Variants in PPFIA2 observed in about 807,000 individuals in gnomAD.
PPFIA2 encodes the protein liprin-alpha-2.
Under a neutral mutation model 175.5 loss-of-function variants are expected in PPFIA2, and 46 were observed. The observed-to-expected ratio is 0.26, with a 90% confidence interval of 0.21 to 0.34. The LOEUF (loss-of-function observed/expected upper bound fraction) is 0.34. Ranked by LOEUF, PPFIA2 falls within the 10% of genes least tolerant of loss-of-function variation. The pLI, the probability that PPFIA2 is intolerant of heterozygous loss-of-function variation, is 1.00. For synonymous variants in PPFIA2, 568 were observed against 511.4 expected (o/e 1.11, Z -1.49); for missense variants, 1,179 against 1,506.1 (o/e 0.78, Z 3.60).
intron 4 of PPFIA2, among the ~76,000 whole-genome samples, chr12:81,473,801 A>G (rs900955728): frequency 2.6e-5 from 4 of 152,236 alleles, no homozygotes; most frequent in African/African-American, 9.6e-5. Context: ...CTTATTATTT[A>G]CTTATATCAA....
chr12:81,438,478 A>C (rs926222537), intron 7 of PPFIA2, among the ~76,000 whole-genome samples: 10 of 152,296 alleles, frequency 6.6e-5, no homozygotes, highest in African/African-American at 2.4e-4. Flanking sequence ...TCTCAAAACA[A>C]AAAACAAAAC....
chr12:81,284,167 A>C, intron 25 of PPFIA2, 74 bp downstream of exon 25: 1 of 1,163,914 alleles, frequency 8.6e-7, no homozygotes, highest in East Asian at 2.5e-5. Flanking sequence ...GTCTATTGTA[A>C]ACAGATTAGT....
chr12:81,623,645 G>C (rs573732758), intron 4 of PPFIA2, among the ~76,000 whole-genome samples: 1 of 151,752 alleles, frequency 6.6e-6, no homozygotes, highest in African/African-American at 2.4e-5. Flanking sequence ...TAGTTGTGTG[G>C]GTAAAGTTCC....
chr12:81,342,080 A>G (rs1184811505), intron 19 of PPFIA2, among the ~76,000 whole-genome samples: 1 of 152,088 alleles, frequency 6.6e-6, no homozygotes, highest in Non-Finnish European at 1.5e-5. Context: ...TGGCAAAGAC[A>G]TACAGAAAAC....
chr12:81,729,179 A>C (rs957919620), intron 3 of PPFIA2, among the ~76,000 whole-genome samples: 2 of 151,534 alleles, frequency 1.3e-5, no homozygotes, highest in Non-Finnish European at 3.0e-5. Flanking sequence ...ATAGGGTCCA[A>C]ATAGTGTTAT....
At chr12:81,303,224 C>G (rs966897255) in intron 22 of PPFIA2, among the ~76,000 whole-genome samples, 6 of 152,104 alleles carry the variant, frequency 3.9e-5, no homozygotes. Flanking sequence ...ACAAATTTAA[C>G]TATGAAAATT....
At chr12:81,710,466 C>T (rs970399993) in intron 3 of PPFIA2, among the ~76,000 whole-genome samples, 1 of 151,962 alleles carries the variant, frequency 6.6e-6, no homozygotes, top group Admixed American at 6.6e-5. Context: ...GTTTAATCAA[C>T]ATGTAATAAT....
At chr12:81,593,814 T>C (rs192001143) in intron 4 of PPFIA2, among the ~76,000 whole-genome samples, 12 of 152,230 alleles carry the variant, frequency 7.9e-5, no homozygotes, top group Middle Eastern at 3.4e-3. Flanking sequence ...GTGTGTCCCA[T>C]ATCAGGAAGG....
chr12:81,725,366 AT>A (rs1424768538), intron 3 of PPFIA2, among the ~76,000 whole-genome samples: 6 of 150,988 alleles, frequency 4.0e-5, no homozygotes, highest in Non-Finnish European at 7.4e-5. Flanking sequence ...ATCACAGTGC[AT>A]TAAAGATAAC....
In PPFIA2 at chr12:81,724,809, T is replaced by G. The variant is rs535504230; in HGVS notation, c.249+29164A>C. 9.3e-5 allele frequency among the ~76,000 whole-genome samples: 14 copies of G among 151,164 alleles called. No individual in the cohort carries two copies. The South Asian group carries it at 2.5e-3, about 27-fold the overall frequency. ...TAAACATAAGGGGGAAGGTGTTTTT[T>G]GATATAATGATTTCTGTTCCTTTGG... is the stretch of plus-strand genomic sequence containing the variant. On this transcript the variant is annotated intron_variant, in intron 3 of 32. Coordinates refer to ENST00000549396, the MANE Select transcript of PPFIA2 (RefSeq NM_003625.5).
chr12:81,385,108 C>A (rs950915269), intron 8 of PPFIA2, among the ~76,000 whole-genome samples: 1 of 152,014 alleles, frequency 6.6e-6, no homozygotes, highest in Non-Finnish European at 1.5e-5. Flanking sequence ...TGAAAAAATG[C>A]TCAATACCAA....
At chr12:81,579,296 T>C (rs763572888) in intron 4 of PPFIA2, among the ~76,000 whole-genome samples, 4 of 151,798 alleles carry the variant, frequency 2.6e-5, no homozygotes, top group Non-Finnish European at 4.4e-5. Context: ...CCTCTAGTAA[T>C]GAACATTAAT....
At chr12:81,726,087 A>T (rs1234305373) in intron 3 of PPFIA2, among the ~76,000 whole-genome samples, 2 of 150,706 alleles carry the variant, frequency 1.3e-5, no homozygotes, top group Non-Finnish European at 3.0e-5. Context: ...ACTTCCACCA[A>T]CTCCCCAATC....
intron 4 of PPFIA2, among the ~76,000 whole-genome samples, chr12:81,458,292 T>G (rs1337652498): frequency 6.6e-6 from 1 of 152,048 alleles, no homozygotes; most frequent in Admixed American, 6.6e-5. Context: ...CATGCTATTT[T>G]GAAATTAACA....
intron 9 of PPFIA2, among the ~76,000 whole-genome samples, chr12:81,382,108 G>T (rs1028273837): frequency 1.3e-5 from 2 of 152,018 alleles, no homozygotes; most frequent in African/African-American, 4.8e-5. Flanking sequence ...AAAAGAAGAG[G>T]GAGAGTGTAT....
chr12:81,367,450 A>G (rs1364316168), intron 13 of PPFIA2, among the ~76,000 whole-genome samples: 1 of 151,702 alleles, frequency 6.6e-6, no homozygotes, highest in African/African-American at 2.4e-5. Context: ...GCCTTTTCTC[A>G]GACCACATTT....
chr12:81,432,569 G>A (rs559797045), intron 7 of PPFIA2, among the ~76,000 whole-genome samples: 40 of 150,488 alleles, frequency 2.7e-4, no homozygotes, highest in African/African-American at 9.3e-4. Flanking sequence ...GGGTTCAAGC[G>A]ATTCTCCTGC....
chr12:81,496,350 T>C lies in PPFIA2; in HGVS notation c.304-38484A>G, dbSNP rs940725881. Among the ~76,000 whole-genome samples, 25 of 152,160 alleles carry C rather than the reference T, an allele frequency of 1.6e-4. 1 individual carries two copies. Among genetic ancestry groups the C allele is most frequent in the Non-Finnish European group, 2.9e-5 (2 of 68,038 alleles). On this transcript the variant is annotated intron_variant, in intron 4 of 32. Transcript: ENST00000549396. ...AAAAACTATAAAGAAGAAGAATATT[T>C]TTGGAGACAATTGCAGAAAATTGCC...
chr12:81,339,520 C>T (rs989069846), intron 20 of PPFIA2, among the ~76,000 whole-genome samples, 186 bp from the exon 21 acceptor site: 5 of 151,834 alleles, frequency 3.3e-5, no homozygotes, highest in African/African-American at 4.8e-5. Context: ...CCTGAAACTC[C>T]AAATTTCCAT....
Sources: allele counts gnomAD v4.1 joint callset (sites outside exome capture counted in the v4.1 genomes callset), GRCh38; gene constraint gnomAD v4.1.1; transcripts MANE v1.5; gene names NCBI Gene and HGNC (gene_info 2026-07-23, HGNC 2026-07-21).